Variants in NAV2 observed in about 807,000 individuals in gnomAD.
The protein encoded by NAV2 is helicase, APC down-regulated 1.
Under a neutral mutation model 223.2 loss-of-function variants are expected in NAV2, and 54 were observed. The observed-to-expected ratio is 0.24, with a 90% CI of 0.19 to 0.30. NAV2 has a LOEUF of 0.30. Among genes scored for constraint, NAV2 ranks in the 10% least tolerant of loss-of-function variants. The probability of loss-of-function intolerance (pLI) is 1.00; values close to 1 mark genes in which losing one functional copy is unlikely to be tolerated. For missense variants in NAV2, 2,806 were observed against 3,147.5 expected, an observed-to-expected ratio of 0.89 and a Z score of 2.60; for synonymous variants, 1,279 against 1,239.3, an observed-to-expected ratio of 1.03 and a Z score of -0.67.
At chr11:19,444,184 G>A (rs535402743) in intron 1 of NAV2, among the ~76,000 whole-genome samples, 48 of 152,172 alleles carry the variant, frequency 3.2e-4, no homozygotes, top group Admixed American at 4.6e-4. Context: ...CTTGTGATCC[G>A]CCTGCCTGGG....
At chr11:19,604,090 A>G (rs1043812749) in intron 1 of NAV2, among the ~76,000 whole-genome samples, 1 of 152,182 alleles carries the variant, frequency 6.6e-6, no homozygotes, top group Admixed American at 6.5e-5. Context: ...TGTATCACAT[A>G]GGACTTTCTA....
chr11:19,540,152 G>A (rs1249746306), intron 1 of NAV2, among the ~76,000 whole-genome samples: 2 of 152,084 alleles, frequency 1.3e-5, no homozygotes, highest in Non-Finnish European at 2.9e-5. Context: ...GAGCCAGGGG[G>A]CCCCGCCTGC....
chr11:19,912,973 G>A (rs2043444948), intron 6 of NAV2, among the ~76,000 whole-genome samples: 1 of 152,152 alleles, frequency 6.6e-6, no homozygotes, highest in African/African-American at 2.4e-5. Flanking sequence ...TATCCTTCAG[G>A]TTTATTTGGT....
intron 1 of NAV2, among the ~76,000 whole-genome samples, chr11:19,423,094 G>C: frequency 6.6e-6 from 1 of 152,210 alleles, no homozygotes; most frequent in East Asian, 1.9e-4. Flanking sequence ...CTCAGTGCCT[G>C]ACACACAGTA....
At chr11:20,044,298 C>G in intron 13 of NAV2, 26 bp downstream of exon 13, 1 of 1,573,148 alleles carries the variant, frequency 6.4e-7, no homozygotes, top group Non-Finnish European at 8.6e-7. Flanking sequence ...TGTCTTGGCC[C>G]TACAGTTGAC....
At chr11:20,071,175 A>G (rs935703302) in intron 22 of NAV2, among the ~76,000 whole-genome samples, 1 of 134,566 alleles carries the variant, frequency 7.4e-6, no homozygotes, top group African/African-American at 2.8e-5. Flanking sequence ...ATGTGTTCTC[A>G]TTGTTCAACT....
chr11:20,100,222 A>G (rs1236343682), intron 31 of NAV2, among the ~76,000 whole-genome samples: 1 of 152,190 alleles, frequency 6.6e-6, no homozygotes, highest in Non-Finnish European at 1.5e-5. Context: ...TTTTGAAGCC[A>G]ACAACCCTGA....
At chr11:19,985,445 C>T (rs1229069171) in intron 11 of NAV2, among the ~76,000 whole-genome samples, 3 of 152,122 alleles carry the variant, frequency 2.0e-5, no homozygotes, top group Non-Finnish European at 4.4e-5. Context: ...TGTTAAAAGG[C>T]CTTCCACTAG....
chr11:19,359,797 A>G (rs1400448649), intron 1 of NAV2, among the ~76,000 whole-genome samples: 1 of 152,204 alleles, frequency 6.6e-6, no homozygotes, highest in Non-Finnish European at 1.5e-5. Context: ...CAGGGGCTCA[A>G]GATGCTGCCA....
chr11:19,949,197 C>T, intron 10 of NAV2, 117 bp downstream of exon 10: 2 of 1,142,358 alleles, frequency 1.8e-6, no homozygotes, highest in Admixed American at 5.8e-5. Context: ...ACCTGAGTTT[C>T]TGCTGTCCAT....
intron 10 of NAV2, among the ~76,000 whole-genome samples, chr11:19,968,181 TTGA>T (rs1289206508): frequency 3.3e-5 from 5 of 152,124 alleles, no homozygotes; most frequent in Middle Eastern, 3.4e-3. Context: ...GGTGTTGTTG[TTGA>T]TGTAGTTTTG....
intron 1 of NAV2, among the ~76,000 whole-genome samples, chr11:19,694,112 G>A (rs1228151096): frequency 1.3e-5 from 2 of 152,158 alleles, no homozygotes. Context: ...AGAGGCAGAC[G>A]CTAAGATGAG....
Position 19,753,849 on chromosome 11 carries a change from G to T in NAV2, c.267+39887G>T, listed in dbSNP as rs533656019. ...GCGGGTGGGGCAAAGCATCTCACCT[G>T]TCCCAGCTTTGAGGTTAATGCCCAT... On this transcript the variant is annotated intron_variant, in intron 1 of 37. Transcript: ENST00000349880. Among the ~76,000 whole-genome samples the T allele has an allele frequency of 3.9e-5, 6 of 152,308 alleles. No homozygotes were observed. The South Asian group carries it at 1.2e-3, about 32-fold the overall frequency.
At chr11:19,591,950 G>T (rs1246362654) in intron 1 of NAV2, among the ~76,000 whole-genome samples, 1 of 152,148 alleles carries the variant, frequency 6.6e-6, no homozygotes, top group Non-Finnish European at 1.5e-5. Flanking sequence ...AGGCTATGGA[G>T]GCCACAATGA....
At chr11:19,869,099 G>T in intron 4 of NAV2, 102 bp downstream of exon 4, 1 of 1,135,332 alleles carries the variant, frequency 8.8e-7, no homozygotes, top group Non-Finnish European at 1.3e-6. Context: ...GGATGCTTGT[G>T]GGCTCCTCTG....
At chr11:20,097,315 A>G (rs1457396388) in intron 30 of NAV2, among the ~76,000 whole-genome samples, 1 of 152,158 alleles carries the variant, frequency 6.6e-6, no homozygotes, top group Non-Finnish European at 1.5e-5. Context: ...GTTCATCCAG[A>G]CTAAACGTTC....
chr11:19,831,250 T>TGGGGG (rs543941517), intron 1 of NAV2, among the ~76,000 whole-genome samples: 1 of 5,012 alleles, frequency 2.0e-4, no homozygotes, highest in Non-Finnish European at 4.1e-4. Flanking sequence ...CGATGGGGAG[T>TGGGGG]GGGGGGGGAT....
intron 11 of NAV2, among the ~76,000 whole-genome samples, chr11:20,018,083 G>A (rs918583962): frequency 4.6e-5 from 7 of 152,132 alleles, no homozygotes; most frequent in African/African-American, 1.4e-4. Flanking sequence ...GCCAGGTGTG[G>A]TGGCTCACTC....
At chr11:19,613,061 AC>A (rs1690972750) in intron 1 of NAV2, among the ~76,000 whole-genome samples, 1 of 152,058 alleles carries the variant, frequency 6.6e-6, no homozygotes, top group South Asian at 2.1e-4. Context: ...AAAAGCAGAA[AC>A]CCCTGATAAA....
Sources: gnomAD v4.1 joint callset for allele counts (sites outside exome capture counted in the v4.1 genomes callset) on GRCh38, gnomAD v4.1.1 for gene constraint, MANE v1.5 for transcripts, NCBI Gene and HGNC (gene_info 2026-07-23, HGNC 2026-07-21) for gene names.